ADCY2: variants seen among roughly 807,000 people sequenced by gnomAD.
The protein encoded by ADCY2 is adenylate cyclase 2, also known as adenylate cyclase type 2.
Under a neutral mutation model 125.2 loss-of-function variants are expected in ADCY2, and 31 were observed. That is an observed-to-expected ratio of 0.25 (90% CI 0.19 to 0.33). The LOEUF (loss-of-function observed/expected upper bound fraction) is 0.33. Among genes scored for constraint, ADCY2 ranks in the 10% least tolerant of loss-of-function variants. The pLI is 1.00. For missense variants in ADCY2, 904 were observed against 1,418.2 expected, an observed-to-expected ratio of 0.64 and a Z score of 5.82; for synonymous variants, 512 against 548.4, an observed-to-expected ratio of 0.93 and a Z score of 0.93.
intron 2 of ADCY2, among the ~76,000 whole-genome samples, chr5:7,460,460 T>G (rs920962541): frequency 1.3e-5 from 2 of 152,180 alleles, no homozygotes; most frequent in Non-Finnish European, 2.9e-5. Context: ...TAGTTGTTTT[T>G]AAAATTTTTT....
At chr5:7,490,983 T>G (rs1743141952) in intron 2 of ADCY2, among the ~76,000 whole-genome samples, 1 of 152,150 alleles carries the variant, frequency 6.6e-6, no homozygotes, top group Non-Finnish European at 1.5e-5. Flanking sequence ...ATGATGCTAT[T>G]GCATTAAAAA....
chr5:7,793,807 A>G (rs1010252255), intron 20 of ADCY2: 7 of 152,264 alleles, frequency 4.6e-5, no homozygotes, highest in Non-Finnish European at 8.8e-5. Flanking sequence ...CCTGCAGATG[A>G]TCAGTGCCTG....
At chr5:7,565,969 T>C (rs1224534661) in intron 3 of ADCY2, among the ~76,000 whole-genome samples, 2 of 152,204 alleles carry the variant, frequency 1.3e-5, no homozygotes, top group Non-Finnish European at 2.9e-5. Context: ...ACTTAGCTTT[T>C]TTCCAAATGA....
chr5:7,821,836 A>G (rs1745311386), intron 24 of ADCY2, among the ~76,000 whole-genome samples: 1 of 152,178 alleles, frequency 6.6e-6, no homozygotes, highest in Non-Finnish European at 1.5e-5. Flanking sequence ...AGGGGAAGGG[A>G]GTTCAAGGCT....
intron 2 of ADCY2, among the ~76,000 whole-genome samples, chr5:7,441,301 C>T (rs1450979022): frequency 6.6e-6 from 1 of 152,172 alleles, no homozygotes; most frequent in Non-Finnish European, 1.5e-5. Flanking sequence ...AACCTACTTC[C>T]TGATGGCTGA....
At chr5:7,473,063 G>T (rs941510232) in intron 2 of ADCY2, among the ~76,000 whole-genome samples, 13 of 151,896 alleles carry the variant, frequency 8.6e-5, no homozygotes, top group Middle Eastern at 6.8e-3. Flanking sequence ...CCTGGGATGG[G>T]TTTCTCAGTG....
intron 15 of ADCY2, among the ~76,000 whole-genome samples, chr5:7,745,326 T>TA (rs1175731641): frequency 2.0e-5 from 3 of 152,216 alleles, no homozygotes; most frequent in African/African-American, 7.2e-5. Flanking sequence ...CCTTATACCT[T>TA]TGCAAACTTG....
chr5:7,521,023 T>A, intron 3 of ADCY2, 124 bp downstream of exon 3: 1 of 1,185,786 alleles, frequency 8.4e-7, no homozygotes, highest in Non-Finnish European at 1.2e-6. Flanking sequence ...TTTCTGCCCC[T>A]TGAGACTGAC....
chr5:7,416,313 C>T (rs1048808604), intron 2 of ADCY2, among the ~76,000 whole-genome samples: 27 of 152,118 alleles, frequency 1.8e-4, no homozygotes, highest in African/African-American at 5.5e-4. Flanking sequence ...ACACAAGACC[C>T]GGCGGGCGCC....
At chr5:7,570,546 G>A (rs1736034473) in intron 3 of ADCY2, among the ~76,000 whole-genome samples, 1 of 150,500 alleles carries the variant, frequency 6.6e-6, no homozygotes, top group South Asian at 2.1e-4. Flanking sequence ...CCAGAAATGA[G>A]GATGAGATGA....
chr5:7,466,143 G>A (rs1353694893), intron 2 of ADCY2, among the ~76,000 whole-genome samples: 2 of 152,040 alleles, frequency 1.3e-5, no homozygotes, highest in Non-Finnish European at 2.9e-5. Flanking sequence ...TAAATTATTA[G>A]CAATATAAGA....
chr5:7,502,091 C>T (rs1743614989), intron 2 of ADCY2, among the ~76,000 whole-genome samples: 1 of 152,154 alleles, frequency 6.6e-6, no homozygotes, highest in South Asian at 2.1e-4. Flanking sequence ...ACTCTCTGGT[C>T]CTGATGTGTG....
chr5:7,769,885 A>T (rs1277550701), intron 17 of ADCY2, among the ~76,000 whole-genome samples: 4 of 152,230 alleles, frequency 2.6e-5, no homozygotes, highest in Non-Finnish European at 5.9e-5. Context: ...AAACATTACT[A>T]GCAATCAGGT....
intron 2 of ADCY2, among the ~76,000 whole-genome samples, chr5:7,515,116 T>C (rs1744207944): frequency 6.6e-6 from 1 of 152,212 alleles, no homozygotes; most frequent in African/African-American, 2.4e-5. Flanking sequence ...ACTCTACCTT[T>C]GTTCGGCTGC....
intron 3 of ADCY2, among the ~76,000 whole-genome samples, chr5:7,615,174 A>C (rs1335830106): frequency 2.6e-5 from 4 of 152,144 alleles, no homozygotes; most frequent in African/African-American, 4.8e-5. Context: ...CCCATGGTCC[A>C]ATCATCTCCC....
intron 16 of ADCY2, among the ~76,000 whole-genome samples, chr5:7,766,306 G>A (rs529861950): frequency 6.6e-6 from 1 of 152,100 alleles, no homozygotes. Context: ...CAAAGATACT[G>A]GGGGGAAAAA....
At chr5:7,511,483 G>A (rs1178124828) in intron 2 of ADCY2, among the ~76,000 whole-genome samples, 6 of 152,052 alleles carry the variant, frequency 3.9e-5, no homozygotes, top group Admixed American at 2.6e-4. Context: ...GCTGAGGCAG[G>A]AGAATTGTTT....
chr5:7,513,106 C>CACACAGAGAGAG (rs777343291), intron 2 of ADCY2, among the ~76,000 whole-genome samples: 3 of 138,432 alleles, frequency 2.2e-5, no homozygotes, highest in African/African-American at 7.7e-5. Context: ...CACACACACA[C>CACACAGAGAGAG]AGAGAGAGAG....
At chr5:7,589,490 G>GAA (rs1365371701) in intron 3 of ADCY2, among the ~76,000 whole-genome samples, 1 of 58,474 alleles carries the variant, frequency 1.7e-5, no homozygotes, top group Non-Finnish European at 4.3e-5. Context: ...AAGAAAGAAA[G>GAA]AAAGAAAGAA....
Sources: gnomAD v4.1 joint callset for allele counts (sites outside exome capture counted in the v4.1 genomes callset) on GRCh38, gnomAD v4.1.1 for gene constraint, MANE v1.5 for transcripts, NCBI Gene and HGNC (gene_info 2026-07-23, HGNC 2026-07-21) for gene names.